The following ZFP82 variants were observed in gnomAD, a reference collection of about 807,000 sequenced individuals.
ZFP82 encodes ZFP82 zinc finger protein.
In ZFP82, 30 loss-of-function variants were observed where a neutral mutation model predicts 54.0. That is an observed-to-expected ratio of 0.56 (90% CI 0.42 to 0.75). The LOEUF (loss-of-function observed/expected upper bound fraction) is 0.75, where lower values mean the gene tolerates loss of function less well. Among genes scored for constraint, ZFP82 ranks in the 30% least tolerant of loss-of-function variants. ZFP82 has a pLI of 0.00. For synonymous variants in ZFP82, 194 were observed against 209.5 expected, an observed-to-expected ratio of 0.93 and a Z score of 0.64; for missense variants, 500 against 636.8, an observed-to-expected ratio of 0.79 and a Z score of 2.31.
In ZFP82 at chr19:36,393,052, C is replaced by A. The variant is rs764849093; in HGVS notation, c.1288G>T (p.Ala430Ser). 1.9e-6 allele frequency: 3 copies of A among 1,614,034 alleles called. No individual in the cohort carries two copies. Among genetic ancestry groups the A allele is most frequent in the South Asian group, 1.1e-5 (1 of 91,082 alleles). Reference protein sequence around the residue: ...KPYDCKECGKAFRLLSQLTQH... With the variant: ...KPYDCKECGKSFRLLSQLTQH... The stretch of plus-strand genomic sequence containing the variant: ...GTGAGTTGTGAAAGTAGTCTGAAGG[C>A]CTTCCCGCATTCCTTACAGTCATAG... Residue 430 changes from alanine to serine, a missense_variant, in exon 5 of 5, where the codon GCC becomes TCC. By Grantham distance (99) the Ala-to-Ser change is moderately conservative. Transcript: ENST00000392161.
At chr19:36,412,833 A>T (rs1349512872) in intron 1 of ZFP82, among the ~76,000 whole-genome samples, 2 of 152,078 alleles carry the variant, frequency 1.3e-5, no homozygotes, top group Admixed American at 1.3e-4. Flanking sequence ...GCTTCCCATG[A>T]CCTCTCAAGC....
intron 1 of ZFP82, among the ~76,000 whole-genome samples, chr19:36,414,099 A>G (rs12980223): frequency 6.6e-6 from 1 of 151,724 alleles, no homozygotes; most frequent in Non-Finnish European, 1.5e-5. Flanking sequence ...ACGGGGTTTC[A>G]CCATGTTAGC....
In ZFP82 at chr19:36,391,477, T is replaced by G. The variant is rs1378740245; in HGVS notation, c.*1264A>C. The G allele has an allele frequency of 6.6e-6, 1 of 151,800 alleles. No homozygotes were observed. Among genetic ancestry groups the G allele is most frequent in the Non-Finnish European group, 1.5e-5 (1 of 67,920 alleles). The allele number at this position is 151,800 out of a possible 1,614,324, so 9.4% of individuals were successfully genotyped here. On this transcript the variant is annotated 3_prime_UTR_variant, in exon 5 of 5. Transcript: ENST00000392161. The stretch of plus-strand genomic sequence containing the variant: ...GCCAGAGAATACTGATTGTAGTTTT[T>G]TTTTTTTTTTGAGACAGGGTCTTGC...
chr19:36,407,368 G>A (rs566817486), intron 3 of ZFP82, among the ~76,000 whole-genome samples: 216 of 152,210 alleles, frequency 1.4e-3, no homozygotes, highest in African/African-American at 5.1e-3. Flanking sequence ...GAGCCACCGC[G>A]CCCGGCCAGA....
intron 4 of ZFP82, among the ~76,000 whole-genome samples, chr19:36,396,710 T>A (rs1247304826): frequency 2.0e-5 from 3 of 151,660 alleles, no homozygotes; most frequent in Non-Finnish European, 4.4e-5. Context: ...GGCATGGTAG[T>A]GTGTGCTATA....
intron 4 of ZFP82, among the ~76,000 whole-genome samples, chr19:36,396,630 T>TG (rs2032299287): frequency 6.6e-6 from 1 of 151,884 alleles, no homozygotes. Context: ...CACTCCAGCC[T>TG]GGGTGAAAGA....
Position 36,393,230 on chromosome 19 carries a change from T to C in ZFP82, c.1110A>G (p.Glu370=). 6.2e-7 allele frequency: 1 copy of C among 1,614,066 alleles called. No homozygotes were observed. Among genetic ancestry groups the C allele is most frequent in the Non-Finnish European group, 8.5e-7 (1 of 1,180,016 alleles). Residue 370 remains glutamate, a synonymous_variant, in exon 5 of 5, where the codon GAA becomes GAG. Transcript: ENST00000392161. ...AACCACGGCTAAAGGTCTTTCCACATTCCTTACATTCATAGGGTTTCTCAC... is the reference window on the plus strand; with the variant it reads ...AACCACGGCTAAAGGTCTTTCCACACTCCTTACATTCATAGGGTTTCTCAC... ...HTGEKPYECK[E]CGKTFSRGYH... is the part of the protein sequence containing the mutation.
At chr19:36,416,756 CA>C (rs1165706150) in intron 1 of ZFP82, among the ~76,000 whole-genome samples, 1,665 of 68,886 alleles carry the variant, frequency 0.024, 44 homozygotes, top group African/African-American at 0.086. Context: ...AACTCCGTCT[CA>C]AAAAAAAAAA....
chr19:36,393,523 G>C lies in ZFP82; in HGVS notation c.817C>G (p.Gln273Glu). The C allele has an allele frequency of 6.2e-7, 1 of 1,614,158 alleles. No homozygotes were observed. ...GGTTTCTCACCAGTATGAATCCTCT[G>C]ATGCAGAGTAAGTTGTCCTCGTACC... The part of the protein sequence containing the change: ...FRVRGQLTLH[Q>E]RIHTGEKPYV... The change falls in exon 5 of 5, where the codon CAG becomes GAG. Residue 273 changes from glutamine (Q) to glutamate (E), a missense_variant. Coordinates refer to ENST00000392161, the MANE Select transcript of ZFP82 (RefSeq NM_133466.4).
chr19:36,402,729 C>T (rs1340963777), intron 4 of ZFP82, among the ~76,000 whole-genome samples: 3 of 152,174 alleles, frequency 2.0e-5, no homozygotes, highest in Non-Finnish European at 4.4e-5. Context: ...GGTGCGGTGG[C>T]TCACGCCTGT....
chr19:36,384,139 G>C (rs910961347), downstream of ZFP82: 1 of 152,060 alleles, frequency 6.6e-6, no homozygotes, highest in Non-Finnish European at 1.5e-5. Flanking sequence ...AAATACCTTA[G>C]AGAAACTCTT....
intron 1 of ZFP82, among the ~76,000 whole-genome samples, chr19:36,417,508 G>A (rs1600114737): frequency 6.6e-6 from 1 of 152,142 alleles, no homozygotes; most frequent in Non-Finnish European, 1.5e-5. Context: ...CCTCGACCTT[G>A]ACTTAAACAG....
intron 1 of ZFP82, among the ~76,000 whole-genome samples, chr19:36,411,137 T>A (rs1392329946): frequency 2.0e-5 from 3 of 150,172 alleles, no homozygotes; most frequent in African/African-American, 7.4e-5. Context: ...GAGGTTGCAG[T>A]GAGCCGAGAT....
At chr19:36,402,002 GA>G (rs959177260) in intron 4 of ZFP82, among the ~76,000 whole-genome samples, 3 of 151,690 alleles carry the variant, frequency 2.0e-5, no homozygotes, top group African/African-American at 7.3e-5. Flanking sequence ...AGAAAAGAAA[GA>G]AAAAAAATAC....
chr19:36,409,758 C>T, intron 2 of ZFP82, 23 bp downstream of exon 2: 1 of 1,613,088 alleles, frequency 6.2e-7, no homozygotes, highest in Non-Finnish European at 8.5e-7. Flanking sequence ...TGATAGTATT[C>T]CTAGGAGGAG....
At position 36,390,859 on chromosome 19, in the gene ZFP82, C is replaced by T. The variant is rs1251117163; in HGVS notation, c.*1882G>A. On this transcript the variant is annotated 3_prime_UTR_variant, in exon 5 of 5. Transcript: ENST00000392161. Reference sequence around the variant, plus strand: ...TCTCGGCTCACTGCAAGCTCCGCCTCCCGGGTTCAAGCCATTCTCCTGCCT... The same window carrying T: ...TCTCGGCTCACTGCAAGCTCCGCCTTCCGGGTTCAAGCCATTCTCCTGCCT... The T allele has an allele frequency of 6.6e-6, 1 of 152,184 alleles. No individual in the cohort carries two copies. Among genetic ancestry groups the T allele is most frequent in the Non-Finnish European group, 1.5e-5 (1 of 68,058 alleles). 9.4% of individuals were successfully genotyped at this position (152,184 alleles called of 1,614,324 possible). A position where few individuals can be genotyped will look rare whatever the true frequency, so the allele number is the denominator to read the frequency against.
intron 3 of ZFP82, among the ~76,000 whole-genome samples, chr19:36,406,600 A>G (rs568600964): frequency 3.9e-5 from 6 of 152,298 alleles, no homozygotes; most frequent in African/African-American, 7.2e-5. Context: ...TGAATATTCT[A>G]TTGTATGACT....
At chr19:36,412,045 TAAGGTACAGCA>T (rs1385184384) in intron 1 of ZFP82, among the ~76,000 whole-genome samples, 1 of 149,356 alleles carries the variant, frequency 6.7e-6, no homozygotes, top group Non-Finnish European at 1.5e-5. Context: ...ATGATCCTGT[TAAGGTACAGCA>T]AAAACAGACG....
At position 36,389,508 on chromosome 19, in the gene ZFP82, T is replaced by G. The variant is rs1378154589; in HGVS notation, c.*3233A>C. Among the ~76,000 whole-genome samples, 2 of 152,222 alleles carry G rather than the reference T, an allele frequency of 1.3e-5. No homozygotes were observed. Among genetic ancestry groups the G allele is most frequent in the African/African-American group, 4.8e-5 (2 of 41,452 alleles). ...CCCTCCCACCTTTTGTTTTTAAGTA[T>G]TTAAAAGTAAATCACAGGCATAACA... On this transcript the variant is annotated 3_prime_UTR_variant, in exon 5 of 5. Coordinates refer to ENST00000392161, the MANE Select transcript of ZFP82 (RefSeq NM_133466.4).
Sources: gnomAD v4.1 joint callset for allele counts (sites outside exome capture counted in the v4.1 genomes callset) on GRCh38, gnomAD v4.1.1 for gene constraint, MANE v1.5 for transcripts, NCBI Gene and HGNC (gene_info 2026-07-23, HGNC 2026-07-21) for gene names.